Variants in GALNT18 observed in about 807,000 individuals in gnomAD.
GALNT18 encodes GalNAc-transferase 18.
In GALNT18, 44 loss-of-function variants were observed where a neutral mutation model predicts 69.5. That is an observed-to-expected ratio of 0.63 (90% CI 0.50 to 0.81). GALNT18 has a LOEUF of 0.81. Ranked by LOEUF, GALNT18 falls within the 40% of genes least tolerant of loss-of-function variation. The pLI, the probability that GALNT18 is intolerant of heterozygous loss-of-function variation, is 0.00. For missense variants in GALNT18, 715 were observed against 810.0 expected, an observed-to-expected ratio of 0.88 and a Z score of 1.42; for synonymous variants, 364 against 318.2, an observed-to-expected ratio of 1.14 and a Z score of -1.53.
Position 11,598,359 on chromosome 11 carries a change from G to A in GALNT18, c.235+23000C>T. Among the ~76,000 whole-genome samples, 1 of 152,162 alleles carries A rather than the reference G, an allele frequency of 6.6e-6. No individual in the cohort carries two copies. The highest frequency in any genetic ancestry group is 1.9e-4 in the East Asian group (1 of 5,190). The stretch of plus-strand genomic sequence containing the variant: ...TCGAGGCAAAATCAAGGTGTCAGCA[G>A]GGCTATACTTCTTTGCAGGCTCTAG... On this transcript the variant is annotated intron_variant, in intron 1 of 10. Transcript: ENST00000227756. This position sits in a 1 kb window ranked among gnomAD's most constrained non-coding sequence, Gnocchi z 4.8.
intron 9 of GALNT18, among the ~76,000 whole-genome samples, chr11:11,321,094 C>T (rs961309329): frequency 2.0e-5 from 3 of 152,220 alleles, no homozygotes; most frequent in African/African-American, 4.8e-5. Flanking sequence ...CCCAGCATTC[C>T]TGGCAAGCAC....
At chr11:11,566,604 A>T (rs1278378325) in intron 1 of GALNT18, among the ~76,000 whole-genome samples, 1 of 152,208 alleles carries the variant, frequency 6.6e-6, no homozygotes, top group Non-Finnish European at 1.5e-5. Flanking sequence ...GTTCAGGGAG[A>T]TAACAAGTAT....
rs114692345 is a variant in GALNT18 at position 11,539,418 on chromosome 11, G to A, written c.235+81941C>T. Among the ~76,000 whole-genome samples, 235 of 152,268 alleles carry A rather than the reference G, an allele frequency of 1.5e-3. 1 individual carries two copies. The highest frequency in any genetic ancestry group is 6.8e-3 in the Middle Eastern group (2 of 294). ...GCCTCTCCTGAAGAGTGAGCAGGTC[G>A]CTTTCCTTTGGCCTGGCCACCCTTC... On this transcript the variant is annotated intron_variant, in intron 1 of 10. Coordinates refer to ENST00000227756, the MANE Select transcript of GALNT18 (RefSeq NM_198516.3).
At chr11:11,373,990 C>T (rs897909502) in intron 5 of GALNT18, among the ~76,000 whole-genome samples, 8 of 152,176 alleles carry the variant, frequency 5.3e-5, no homozygotes, top group Admixed American at 2.6e-4. Context: ...TGGAGAAAGG[C>T]GATTTTGCAG....
intron 1 of GALNT18, among the ~76,000 whole-genome samples, chr11:11,599,097 C>G (rs947397521): frequency 6.6e-6 from 1 of 152,048 alleles, no homozygotes; most frequent in Non-Finnish European, 1.5e-5. Flanking sequence ...TTATAAGTGT[C>G]TATTAGGTCT....
At chr11:11,545,634 C>T (rs1858037703) in intron 1 of GALNT18, among the ~76,000 whole-genome samples, 1 of 152,222 alleles carries the variant, frequency 6.6e-6, no homozygotes. Flanking sequence ...GCAGCAGTTG[C>T]CACAGGACCA....
intron 3 of GALNT18, among the ~76,000 whole-genome samples, chr11:11,384,596 A>G (rs1046513849): frequency 1.3e-5 from 2 of 152,120 alleles, no homozygotes; most frequent in African/African-American, 4.8e-5. Flanking sequence ...TACTCAAACC[A>G]CAGCAGCCCT....
chr11:11,594,846 TATACATAC>T (rs1218131217), intron 1 of GALNT18, among the ~76,000 whole-genome samples: 73 of 82,892 alleles, frequency 8.8e-4, no homozygotes, highest in African/African-American at 2.6e-3. Context: ...TATATACACA[TATACATAC>T]ATACACACAC....
chr11:11,378,964 C>G (rs1253981005), intron 4 of GALNT18, 117 bp downstream of exon 4: 1 of 993,434 alleles, frequency 1.0e-6, no homozygotes, highest in Non-Finnish European at 1.4e-6. Context: ...CTCACCTATT[C>G]CCAGAATTAC....
At chr11:11,400,672 G>C (rs1353402558) in intron 3 of GALNT18, among the ~76,000 whole-genome samples, 1 of 151,930 alleles carries the variant, frequency 6.6e-6, no homozygotes, top group Admixed American at 6.6e-5. Flanking sequence ...TCCTCACATG[G>C]CAAAAGGGGC....
At position 11,288,147 on chromosome 11, in the gene GALNT18, T is replaced by C. The variant is rs78895687; in HGVS notation, c.1677+4882A>G. Among the ~76,000 whole-genome samples the C allele has an allele frequency of 4.6e-3, 693 of 152,214 alleles. 10 individuals are homozygous for C. Among genetic ancestry groups the C allele is most frequent in the African/African-American group, 0.016 (659 of 41,532 alleles). ...TCTACTACTTAAGAACCTTCCCCAT[T>C]CCTTCCTTCTGCTTTTAATGTGAAG... On this transcript the variant is annotated intron_variant, in intron 10 of 10. Transcript: ENST00000227756.
intron 1 of GALNT18, among the ~76,000 whole-genome samples, chr11:11,486,873 A>G (rs1483156614): frequency 6.6e-6 from 1 of 152,224 alleles, no homozygotes; most frequent in Non-Finnish European, 1.5e-5. Flanking sequence ...GTAAAGGGAG[A>G]TGGATAAGAG....
Position 11,607,302 on chromosome 11 carries a change from C to T in GALNT18, c.235+14057G>A, listed in dbSNP as rs147935703. On this transcript the variant is annotated intron_variant, in intron 1 of 10. Transcript: ENST00000227756. ...ATTATTTTTATTGTTTCATTAAAGA[C>T]GAGTATCTTAACAAGTGACCAAAAT... Among the ~76,000 whole-genome samples, 1,096 of 152,226 alleles carry T rather than the reference C, an allele frequency of 7.2e-3. 12 individuals carry two copies. The highest frequency in any genetic ancestry group is 0.024 in the African/African-American group (1,017 of 41,518).
intron 1 of GALNT18, among the ~76,000 whole-genome samples, chr11:11,509,914 A>G (rs564956425): frequency 6.6e-6 from 1 of 152,228 alleles, no homozygotes. Flanking sequence ...TCCCAGCACC[A>G]CGCAGAAAGA....
At chr11:11,401,165 C>A (rs1201050515) in intron 3 of GALNT18, among the ~76,000 whole-genome samples, 1 of 152,096 alleles carries the variant, frequency 6.6e-6, no homozygotes, top group Non-Finnish European at 1.5e-5. Flanking sequence ...TCCATTCCGT[C>A]AGGAAAAAGG....
chr11:11,531,443 C>A (rs1227721656), intron 1 of GALNT18, among the ~76,000 whole-genome samples: 2 of 152,186 alleles, frequency 1.3e-5, no homozygotes, highest in Non-Finnish European at 2.9e-5. Context: ...TAAGTGTATG[C>A]GAGTGCATAC....
intron 2 of GALNT18, among the ~76,000 whole-genome samples, chr11:11,442,629 G>T (rs567359733): frequency 2.2e-4 from 33 of 152,288 alleles, no homozygotes; most frequent in African/African-American, 7.9e-4. Context: ...CTACTATCCT[G>T]TCCTGCTTCT....
intron 3 of GALNT18, among the ~76,000 whole-genome samples, chr11:11,409,397 A>C (rs1055790018): frequency 6.6e-6 from 1 of 152,274 alleles, no homozygotes; most frequent in Admixed American, 6.5e-5. Context: ...CTCTCTGCAC[A>C]GTCTGGTCTG....
At position 11,352,707 on chromosome 11, in the gene GALNT18, T is replaced by C. The variant is rs778507047; in HGVS notation, c.1093-11703A>G. ...ATAATCCAGGGCCTTCAGAATCTCA[T>C]ACATGTAAAATCGAATATCATAGTC... On this transcript the variant is annotated intron_variant, in intron 6 of 10. Coordinates refer to ENST00000227756, the MANE Select transcript of GALNT18 (RefSeq NM_198516.3). 4 of 1,614,158 alleles carry C rather than the reference T, an allele frequency of 2.5e-6. No homozygotes were observed. In the South Asian group the frequency reaches 3.3e-5, roughly 13 times the overall value.
Sources: allele counts gnomAD v4.1 joint callset (sites outside exome capture counted in the v4.1 genomes callset), GRCh38; gene constraint gnomAD v4.1.1; non-coding constraint Gnocchi (gnomAD v3.1); transcripts MANE v1.5; gene names NCBI Gene and HGNC (gene_info 2026-07-23, HGNC 2026-07-21).